Variants in B4GALT1 observed in about 807,000 individuals in gnomAD.
B4GALT1 encodes the protein N-acetyllactosamine synthase.
B4GALT1 carries 16 observed loss-of-function variants against 34.9 expected under a neutral mutation model. That is an observed-to-expected ratio of 0.46 (90% CI 0.31 to 0.70). B4GALT1 has a LOEUF of 0.70. B4GALT1 is among the 30% of genes least tolerant of loss of function. The pLI, the probability that B4GALT1 is intolerant of heterozygous loss-of-function variation, is 0.05. For synonymous variants in B4GALT1, 221 were observed against 218.1 expected (o/e 1.01, Z -0.12); for missense variants, 445 against 530.5 (o/e 0.84, Z 1.58).
At chr9:33,121,076 T>C (rs935997486) in intron 2 of B4GALT1, among the ~76,000 whole-genome samples, 1 of 152,236 alleles carries the variant, frequency 6.6e-6, no homozygotes, top group African/African-American at 2.4e-5. Flanking sequence ...TGGGTACCTA[T>C]GGGACTTTTC....
At chr9:33,159,679 G>A (rs1309111282) in intron 1 of B4GALT1, among the ~76,000 whole-genome samples, 1 of 152,114 alleles carries the variant, frequency 6.6e-6, no homozygotes, top group East Asian at 1.9e-4. Context: ...TCTCACTATG[G>A]CTCCTCCCTA....
downstream of B4GALT1, among the ~76,000 whole-genome samples, chr9:33,108,189 T>C (rs923532491): frequency 2.0e-5 from 3 of 152,104 alleles, no homozygotes; most frequent in Non-Finnish European, 2.9e-5. Flanking sequence ...AACAGCCCTA[T>C]GAAATAGGTT....
chr9:33,120,731 C>T lies in B4GALT1; in HGVS notation c.649-125G>A, dbSNP rs551286768. The T allele has an allele frequency of 1.5e-5, 14 of 932,400 alleles. No homozygotes were observed. The East Asian group carries it at 1.6e-4, about 10-fold the overall frequency. 57.8% of individuals were successfully genotyped at this position (932,400 alleles called of 1,614,324 possible). A position where few individuals can be genotyped will look rare whatever the true frequency, so the allele number is the denominator to read the frequency against. ...AAACTCTTGGGCCTCACTTTTCTGC[C>T]GTCACTCTACAATCAACACAGAGTA... On this transcript the variant is annotated intron_variant, in intron 2 of 5. Transcript: ENST00000379731.
intron 1 of B4GALT1, among the ~76,000 whole-genome samples, chr9:33,146,889 C>A (rs150698757): frequency 1.3e-5 from 2 of 152,140 alleles, no homozygotes; most frequent in Admixed American, 6.5e-5. Context: ...TTAGTAAAGA[C>A]GGGGTTTCGC....
At chr9:33,130,055 G>C (rs1456387710) in intron 2 of B4GALT1, among the ~76,000 whole-genome samples, 1 of 152,176 alleles carries the variant, frequency 6.6e-6, no homozygotes, top group East Asian at 1.9e-4. Flanking sequence ...CTGAGGGAGA[G>C]GAACAGAGGT....
intron 1 of B4GALT1, among the ~76,000 whole-genome samples, chr9:33,166,538 G>A (rs1840756924): frequency 6.6e-6 from 1 of 152,210 alleles, no homozygotes; most frequent in East Asian, 1.9e-4. Flanking sequence ...TTCCCTGTGC[G>A]GTCCCGGCCC....
intron 1 of B4GALT1, among the ~76,000 whole-genome samples, chr9:33,159,075 T>C (rs1360899226): frequency 6.6e-6 from 1 of 152,032 alleles, no homozygotes; most frequent in Admixed American, 6.6e-5. Context: ...ATAACGCAAA[T>C]ACCAGCTTCC....
intron 1 of B4GALT1, among the ~76,000 whole-genome samples, chr9:33,164,960 G>A (rs2118333138): frequency 7.3e-6 from 1 of 136,818 alleles, no homozygotes; most frequent in South Asian, 2.3e-4. Flanking sequence ...ACGGTGTATT[G>A]AGTGCCCGTA....
At chr9:33,169,518 A>T (rs1280840543), upstream of B4GALT1, among the ~76,000 whole-genome samples, 6 of 132,352 alleles carry the variant, frequency 4.5e-5, no homozygotes, top group Admixed American at 3.8e-4. Flanking sequence ...AACTGCTTGA[A>T]TTTTTTTTTT....
intron 1 of B4GALT1, among the ~76,000 whole-genome samples, chr9:33,145,508 G>A (rs1047979807): frequency 6.6e-6 from 1 of 152,168 alleles, no homozygotes; most frequent in Non-Finnish European, 1.5e-5. Flanking sequence ...ACCATGATCA[G>A]ATTCTGCCAC....
rs370367523 is a variant in B4GALT1, at chr9:33,135,276, C to T, written c.561G>A (p.Arg187=). ...ATAGCCAGTACTTGAGGTGCTCCTGCCGGTTGCGGAATGGAATGATGATGG... is the reference window on the plus strand; with the variant it reads ...ATAGCCAGTACTTGAGGTGCTCCTGTCGGTTGCGGAATGGAATGATGATGG... ...KVAIIIPFRN[R]QEHLKYWLYY... is the part of the protein sequence containing the mutation. The change falls in exon 2 of 6, where the codon CGG becomes CGA. Residue 187 remains arginine, a synonymous_variant. Coordinates refer to ENST00000379731, the MANE Select transcript of B4GALT1 (RefSeq NM_001497.4). 1 of 1,614,180 alleles carries T rather than the reference C, an allele frequency of 6.2e-7. No individual in the cohort carries two copies. Among genetic ancestry groups the T allele is most frequent in the Admixed American group, 1.7e-5 (1 of 60,020 alleles).
downstream of B4GALT1, among the ~76,000 whole-genome samples, chr9:33,107,952 C>A (rs905779149): frequency 6.6e-6 from 1 of 152,188 alleles, no homozygotes; most frequent in Non-Finnish European, 1.5e-5. Flanking sequence ...TGCCACATAG[C>A]AAAGTTCAAG....
At chr9:33,149,303 CAG>C (rs1442686077) in intron 1 of B4GALT1, among the ~76,000 whole-genome samples, 1 of 150,454 alleles carries the variant, frequency 6.6e-6, no homozygotes, top group Non-Finnish European at 1.5e-5. Flanking sequence ...TTTTTTGAGA[CAG>C]AGTCTCACTC....
rs556356971 is a variant in B4GALT1 at position 33,111,826 on chromosome 9, A to T, written c.*1628T>A. On this transcript the variant is annotated 3_prime_UTR_variant, in exon 6 of 6. Coordinates refer to ENST00000379731, the MANE Select transcript of B4GALT1 (RefSeq NM_001497.4). Reference sequence around the variant, plus strand: ...CAGGTGGCTCAATAGCTCCCAACAGAGGTGGGTTTGTGACAGACAGCCCTG... The same window carrying T: ...CAGGTGGCTCAATAGCTCCCAACAGTGGTGGGTTTGTGACAGACAGCCCTG... 6.6e-6 allele frequency: 1 copy of T among 152,540 alleles called. No homozygotes were observed. The highest frequency in any genetic ancestry group is 1.9e-4 in the East Asian group (1 of 5,178). 9.4% of individuals were successfully genotyped at this position (152,540 alleles called of 1,614,324 possible).
chr9:33,162,118 C>A (rs1387304320), intron 1 of B4GALT1, among the ~76,000 whole-genome samples: 3 of 152,220 alleles, frequency 2.0e-5, no homozygotes, highest in Non-Finnish European at 4.4e-5. Context: ...CCATAATACC[C>A]AGTGATATCT....
Position 33,124,937 on chromosome 9 carries a change from C to T in B4GALT1, c.649-4331G>A, listed in dbSNP as rs566074891. On this transcript the variant is annotated intron_variant, in intron 2 of 5. Transcript: ENST00000379731. ...CCTGTGAAATGCGTAGGAAGTCACG[C>T]TTGGTGAAGAGAAGCCAGCATGCTG... Among the ~76,000 whole-genome samples, 4 of 152,254 alleles carry T rather than the reference C, an allele frequency of 2.6e-5. No homozygotes were observed. The South Asian group carries it at 8.3e-4, about 32-fold the overall frequency.
chr9:33,117,727 G>C (rs142049948), intron 3 of B4GALT1, among the ~76,000 whole-genome samples: 12 of 152,330 alleles, frequency 7.9e-5, no homozygotes, highest in Non-Finnish European at 1.3e-4. Context: ...TCCCCAGGGG[G>C]TCTGCTTTAA....
the B4GALT1 span, among the ~76,000 whole-genome samples, chr9:33,175,816 G>A: frequency 6.6e-6 from 1 of 152,136 alleles, no homozygotes; most frequent in Non-Finnish European, 1.5e-5. Context: ...TTTGATGTTT[G>A]CACAATAACA....
At chr9:33,162,349 A>G (rs1050403847) in intron 1 of B4GALT1, among the ~76,000 whole-genome samples, 1 of 152,182 alleles carries the variant, frequency 6.6e-6, no homozygotes, top group African/African-American at 2.4e-5. Flanking sequence ...AGATGACCTC[A>G]GCACTGTTCA....
Sources: allele counts gnomAD v4.1 joint callset (sites outside exome capture counted in the v4.1 genomes callset), GRCh38; gene constraint gnomAD v4.1.1; transcripts MANE v1.5; gene names NCBI Gene and HGNC (gene_info 2026-07-23, HGNC 2026-07-21).